MAP7: variants seen among roughly 807,000 people sequenced by gnomAD.
MAP7 encodes the protein microtubule associated protein 7, also known as ensconsin.
Under a neutral mutation model 94.8 loss-of-function variants are expected in MAP7, and 52 were observed. The observed-to-expected ratio is 0.55, with a 90% CI of 0.44 to 0.69. MAP7 has a LOEUF of 0.69. MAP7 is among the 30% of genes least tolerant of loss of function. The pLI is 0.00. For missense variants in MAP7, 940 were observed against 964.6 expected (o/e 0.97, Z 0.34); for synonymous variants, 350 against 357.0 (o/e 0.98, Z 0.22).
chr6:136,526,487 T>C (rs1032854183), intron 1 of MAP7: 1 of 985,734 alleles, frequency 1.0e-6, no homozygotes, highest in Non-Finnish European at 1.2e-6. Flanking sequence ...CCGTTAACAG[T>C]TGCCCTGACA....
chr6:136,519,255 T>C (rs534362066), intron 1 of MAP7, among the ~76,000 whole-genome samples: 1 of 152,310 alleles, frequency 6.6e-6, no homozygotes, highest in South Asian at 2.1e-4. Flanking sequence ...CCAATGAATT[T>C]GACCTCAAGA....
intron 1 of MAP7, among the ~76,000 whole-genome samples, chr6:136,460,289 T>C (rs993683356): frequency 1.3e-5 from 2 of 152,170 alleles, no homozygotes; most frequent in Non-Finnish European, 2.9e-5. Flanking sequence ...TGATTATTAA[T>C]ATGCACATTG....
At chr6:136,536,370 G>A (rs553816409) in intron 1 of MAP7, among the ~76,000 whole-genome samples, 1 of 152,078 alleles carries the variant, frequency 6.6e-6, no homozygotes, top group South Asian at 2.1e-4. Context: ...AAGCACTCAG[G>A]GGACACTACT....
At chr6:136,472,576 C>G (rs1562440414) in intron 1 of MAP7, among the ~76,000 whole-genome samples, 1 of 152,102 alleles carries the variant, frequency 6.6e-6, no homozygotes, top group Non-Finnish European at 1.5e-5. Context: ...ACTCATTGCT[C>G]CCAACCACTA....
At chr6:136,520,802 C>A (rs1295486323) in intron 1 of MAP7, among the ~76,000 whole-genome samples, 1 of 152,154 alleles carries the variant, frequency 6.6e-6, no homozygotes, top group Non-Finnish European at 1.5e-5. Flanking sequence ...GAGTAGGACA[C>A]AGAGGCATGC....
chr6:136,488,823 G>A (rs967353611), intron 1 of MAP7, among the ~76,000 whole-genome samples: 1 of 152,096 alleles, frequency 6.6e-6, no homozygotes, highest in South Asian at 2.1e-4. Context: ...GCAAGTCATC[G>A]TTAGGAATCT....
At chr6:136,388,072 C>T (rs757836558) in intron 5 of MAP7, among the ~76,000 whole-genome samples, 4 of 152,116 alleles carry the variant, frequency 2.6e-5, no homozygotes, top group Non-Finnish European at 4.4e-5. Context: ...TAACTTATTC[C>T]ATAATCCTGA....
chr6:136,481,943 A>T (rs1400021289), intron 1 of MAP7, among the ~76,000 whole-genome samples: 17 of 152,218 alleles, frequency 1.1e-4, no homozygotes, highest in Non-Finnish European at 1.5e-5. Context: ...GAAAAATCCA[A>T]GTGAAGGGTA....
intron 1 of MAP7, among the ~76,000 whole-genome samples, chr6:136,440,084 G>T (rs1312271712): frequency 6.6e-6 from 1 of 152,310 alleles, no homozygotes; most frequent in East Asian, 1.9e-4. Flanking sequence ...TAGCTGTGCT[G>T]CTGGGTGAGT....
chr6:136,482,964 G>GT (rs1813377441), intron 1 of MAP7, among the ~76,000 whole-genome samples: 1 of 151,998 alleles, frequency 6.6e-6, no homozygotes, highest in African/African-American at 2.4e-5. Flanking sequence ...ATTTGATCAG[G>GT]TTTTTTCATT....
chr6:136,505,488 T>C (rs1183994309), intron 1 of MAP7, among the ~76,000 whole-genome samples: 1 of 151,454 alleles, frequency 6.6e-6, no homozygotes, highest in Non-Finnish European at 1.5e-5. Flanking sequence ...ATAAAAGTGG[T>C]TGTCAAGGAT....
rs1336017209 is a variant in MAP7, at chr6:136,483,124, T to A, written c.68-61325A>T. Among the ~76,000 whole-genome samples, 3 of 132,800 alleles carry A rather than the reference T, an allele frequency of 2.3e-5. No individual in the cohort carries two copies. In the South Asian group the frequency reaches 7.1e-4, roughly 31 times the overall value. 87.1% of individuals were successfully genotyped at this position (132,800 alleles called of 152,430 possible). ...TTTTAAGTGAATAAAAAGTGAAGTA[T>A]CTTTCAAAAAAAAAAAAAAAAAAGA... is the stretch of plus-strand genomic sequence containing the variant. On this transcript the variant is annotated intron_variant, in intron 1 of 17. Transcript: ENST00000354570.
intron 1 of MAP7, among the ~76,000 whole-genome samples, chr6:136,427,843 C>T (rs1351615003): frequency 6.6e-6 from 1 of 152,176 alleles, no homozygotes; most frequent in Admixed American, 6.5e-5. Flanking sequence ...TTTGGAGTAG[C>T]TCATTCAGCA....
chr6:136,420,082 G>A lies in MAP7; in HGVS notation c.166+1619C>T, dbSNP rs575969240. 138 of 842,802 alleles carry A rather than the reference G, an allele frequency of 1.6e-4. No individual in the cohort carries two copies. In the African/African-American group the frequency reaches 1.7e-3, roughly 11 times the overall value. 52.2% of individuals were successfully genotyped at this position (842,802 alleles called of 1,614,324 possible). A position where few individuals can be genotyped will look rare whatever the true frequency, so the allele number is the denominator to read the frequency against. On this transcript the variant is annotated intron_variant, in intron 2 of 17. Coordinates refer to ENST00000354570, the MANE Select transcript of MAP7 (RefSeq NM_003980.6). ...TCGATTAATTACAATGGAGGGGTCA[G>A]TCTCCAACTTAAAGGAAATTATAAA...
At chr6:136,486,874 G>A (rs1024330440) in intron 1 of MAP7, among the ~76,000 whole-genome samples, 4 of 152,100 alleles carry the variant, frequency 2.6e-5, no homozygotes, top group Non-Finnish European at 5.9e-5. Flanking sequence ...TGTTAAAATG[G>A]AAAAGTATCT....
In MAP7 at chr6:136,550,262, G is replaced by C; in HGVS notation, c.67+80C>G. ...GCGGGGAGGGGGCTGCCGGCGCCGGGTGATTTCGGTGCCAGCCCGCCGGCC... is the reference window on the plus strand; with the variant it reads ...GCGGGGAGGGGGCTGCCGGCGCCGGCTGATTTCGGTGCCAGCCCGCCGGCC... On this transcript the variant is annotated intron_variant, in intron 1 of 17. Transcript: ENST00000354570. The surrounding 1 kb of genome is among the most constrained non-coding windows in gnomAD (Gnocchi z 5.1). 1 of 1,259,988 alleles carries C rather than the reference G, an allele frequency of 7.9e-7. No individual in the cohort carries two copies. Among genetic ancestry groups the C allele is most frequent in the South Asian group, 1.9e-5 (1 of 51,454 alleles). 78.1% of individuals were successfully genotyped at this position (1,259,988 alleles called of 1,614,324 possible). A position where few individuals can be genotyped will look rare whatever the true frequency, so the allele number is the denominator to read the frequency against.
At chr6:136,455,812 T>G (rs1802697972) in intron 1 of MAP7, among the ~76,000 whole-genome samples, 1 of 152,130 alleles carries the variant, frequency 6.6e-6, no homozygotes, top group South Asian at 2.1e-4. Context: ...AATATGAAGC[T>G]CTAAAATCAA....
At chr6:136,490,673 T>C (rs1012805409) in intron 1 of MAP7, among the ~76,000 whole-genome samples, 5 of 152,234 alleles carry the variant, frequency 3.3e-5, no homozygotes, top group African/African-American at 1.2e-4. Context: ...TAGCATGATC[T>C]TTCAGGGTGT....
chr6:136,432,190 C>T (rs769813978), intron 1 of MAP7, among the ~76,000 whole-genome samples: 3 of 152,058 alleles, frequency 2.0e-5, no homozygotes, highest in African/African-American at 4.8e-5. Context: ...AAATTCTGTA[C>T]TCATAAATTA....
Sources: allele counts gnomAD v4.1 joint callset (sites outside exome capture counted in the v4.1 genomes callset), GRCh38; gene constraint gnomAD v4.1.1; non-coding constraint Gnocchi (gnomAD v3.1); transcripts MANE v1.5; gene names NCBI Gene and HGNC (gene_info 2026-07-23, HGNC 2026-07-21).